WDPCP: variants seen among roughly 807,000 people sequenced by gnomAD.
The protein encoded by WDPCP is WD repeat containing planar cell polarity effector.
Under a neutral mutation model 93.1 loss-of-function variants are expected in WDPCP, and 71 were observed. That is an observed-to-expected ratio of 0.76 (90% CI 0.63 to 0.93). The LOEUF (loss-of-function observed/expected upper bound fraction) is 0.93, where lower values mean the gene tolerates loss of function less well. WDPCP is among the 40% of genes least tolerant of loss of function. The pLI, the probability that WDPCP is intolerant of heterozygous loss-of-function variation, is 0.00. For synonymous variants in WDPCP, 315 were observed against 315.0 expected, an observed-to-expected ratio of 1.00 and a Z score of 0.00; for missense variants, 844 against 887.4, an observed-to-expected ratio of 0.95 and a Z score of 0.62.
chr2:63,166,683 G>A (rs1011273647), intron 15 of WDPCP, among the ~76,000 whole-genome samples: 2 of 152,166 alleles, frequency 1.3e-5, no homozygotes, highest in African/African-American at 4.8e-5. Flanking sequence ...ATTAGCCACC[G>A]TGCCTGGCTG....
chr2:63,475,589 G>A (rs912747246), intron 6 of WDPCP, among the ~76,000 whole-genome samples: 1 of 151,770 alleles, frequency 6.6e-6, no homozygotes, highest in Non-Finnish European at 1.5e-5. Context: ...GTTTCTTGTT[G>A]AGCCTCAACA....
At chr2:63,766,052 T>C (rs909033214) in intron 2 of WDPCP, among the ~76,000 whole-genome samples, 3 of 152,202 alleles carry the variant, frequency 2.0e-5, no homozygotes, top group Non-Finnish European at 4.4e-5. Context: ...CACTAGCACC[T>C]AGCACATGCA....
intron 12 of WDPCP, among the ~76,000 whole-genome samples, chr2:63,364,378 G>A (rs980526888): frequency 6.6e-6 from 1 of 151,908 alleles, no homozygotes; most frequent in Non-Finnish European, 1.5e-5. Context: ...TTATATCTTT[G>A]AGTACATCTT....
At chr2:63,520,277 G>A (rs898683294) in intron 1 of WDPCP, among the ~76,000 whole-genome samples, 74 of 152,280 alleles carry the variant, frequency 4.9e-4, no homozygotes, top group African/African-American at 1.7e-3. Context: ...ATCTCTGAAA[G>A]GGAGGAAGGG....
chr2:63,781,437 T>G (rs1217870501), intron 2 of WDPCP, among the ~76,000 whole-genome samples: 1 of 152,172 alleles, frequency 6.6e-6, no homozygotes, highest in Non-Finnish European at 1.5e-5. Context: ...TCCTGTTCTT[T>G]ATTTCATTCA....
chr2:63,770,009 GTC>G (rs1169968429), intron 2 of WDPCP, among the ~76,000 whole-genome samples: 2 of 151,836 alleles, frequency 1.3e-5, no homozygotes, highest in African/African-American at 4.8e-5. Context: ...CCATGTATGA[GTC>G]TGAACAAATT....
intron 2 of WDPCP, among the ~76,000 whole-genome samples, chr2:63,793,410 C>CCT (rs1670570693): frequency 6.6e-6 from 1 of 152,104 alleles, no homozygotes; most frequent in African/African-American, 2.4e-5. Context: ...GAGTTCAAGA[C>CCT]CAACGTGAGC....
rs185030528 is a variant in WDPCP at position 63,618,184 on chromosome 2, G to A, written n.488+32475C>T. ...TTTTCTTTTCTGCTCAAATATCAAC[G>A]CCCTGTTGAGAAGAAGATTCCCCAA... On this transcript the variant is annotated intron_variant and non_coding_transcript_variant, in intron 3 of 4. Transcript: ENST00000467687. Among the ~76,000 whole-genome samples the A allele has an allele frequency of 1.9e-4, 29 of 152,182 alleles. No homozygotes were observed. In the East Asian group the frequency reaches 1.9e-3, roughly 10 times the overall value.
At chr2:63,616,192 T>C (rs1489500678) in intron 3 of WDPCP, among the ~76,000 whole-genome samples, 1 of 152,186 alleles carries the variant, frequency 6.6e-6, no homozygotes. Context: ...TAGATAGGGA[T>C]GGTTCTCTAA....
At chr2:63,569,542 G>A (rs528214968) in intron 1 of WDPCP, among the ~76,000 whole-genome samples, 10 of 152,240 alleles carry the variant, frequency 6.6e-5, no homozygotes, top group East Asian at 3.9e-4. Context: ...AAAAAAAGAC[G>A]GGAAGGTCCA....
chr2:63,722,543 C>A (rs1259007525), intron 2 of WDPCP, among the ~76,000 whole-genome samples: 1,582 of 114,242 alleles, frequency 0.014, 1 homozygote, highest in Middle Eastern at 0.022. Context: ...CCAGCCGCCC[C>A]ATCCGGGAGG....
At chr2:63,587,413 G>C (rs1453541398) in intron 1 of WDPCP, among the ~76,000 whole-genome samples, 1 of 152,116 alleles carries the variant, frequency 6.6e-6, no homozygotes, top group Non-Finnish European at 1.5e-5. Context: ...GAGTCATTCA[G>C]GTATGATATT....
chr2:63,832,863 A>G, the WDPCP span, among the ~76,000 whole-genome samples: 1 of 152,236 alleles, frequency 6.6e-6, no homozygotes, highest in Non-Finnish European at 1.5e-5. Flanking sequence ...TAAATCAATT[A>G]ATAACAATAA....
intron 14 of WDPCP, among the ~76,000 whole-genome samples, chr2:63,227,555 A>G (rs181160347): frequency 1.7e-4 from 26 of 152,156 alleles, no homozygotes; most frequent in African/African-American, 6.0e-4. Context: ...TGGTGGTAAA[A>G]AATATGGGAA....
intron 2 of WDPCP, among the ~76,000 whole-genome samples, chr2:63,665,955 A>C (rs1710277624): frequency 6.6e-6 from 1 of 152,256 alleles, no homozygotes; most frequent in Non-Finnish European, 1.5e-5. Context: ...GTGTGAATCC[A>C]AATCTTTAGG....
At chr2:63,453,536 C>T (rs188039817) in intron 6 of WDPCP, among the ~76,000 whole-genome samples, 10 of 152,236 alleles carry the variant, frequency 6.6e-5, no homozygotes, top group South Asian at 4.1e-4. Flanking sequence ...GACAGTGTGG[C>T]GATTCCTCAA....
At chr2:63,690,696 G>A (rs1322085077) in intron 2 of WDPCP, among the ~76,000 whole-genome samples, 5 of 152,062 alleles carry the variant, frequency 3.3e-5, no homozygotes, top group African/African-American at 1.2e-4. Flanking sequence ...AACCATGATC[G>A]TGCCACTTCA....
intron 6 of WDPCP, among the ~76,000 whole-genome samples, chr2:63,467,861 G>C (rs1291706421): frequency 6.6e-6 from 1 of 150,862 alleles, no homozygotes; most frequent in Non-Finnish European, 1.5e-5. Context: ...GAACATTTAA[G>C]ATTCCTCAGG....
chr2:63,708,394 G>T (rs1353432987), intron 2 of WDPCP, among the ~76,000 whole-genome samples: 1 of 152,208 alleles, frequency 6.6e-6, no homozygotes, highest in Non-Finnish European at 1.5e-5. Context: ...CTAGCAATGA[G>T]CAAGGCTCCG....
Sources: gnomAD v4.1 joint callset for allele counts (sites outside exome capture counted in the v4.1 genomes callset) on GRCh38, gnomAD v4.1.1 for gene constraint, MANE v1.5 for transcripts, NCBI Gene and HGNC (gene_info 2026-07-23, HGNC 2026-07-21) for gene names.